TCF4: variants seen among roughly 807,000 people sequenced by gnomAD.
TCF4 encodes SL3-3 enhancer factor 2.
Under a neutral mutation model 82.1 loss-of-function variants are expected in TCF4, and 3 were observed. The ratio of observed to expected loss-of-function variants is 0.04; its 90% CI spans 0.02 to 0.09. The LOEUF is 0.09. Among genes scored for constraint, TCF4 ranks in the 10% least tolerant of loss-of-function variants. The pLI is 1.00. For synonymous variants in TCF4, 276 were observed against 309.6 expected (o/e 0.89, Z 1.14); for missense variants, 518 against 852.7 (o/e 0.61, Z 4.89).
At chr18:55,347,282 A>G (rs2081384320) in intron 8 of TCF4, among the ~76,000 whole-genome samples, 1 of 152,118 alleles carries the variant, frequency 6.6e-6, no homozygotes, top group African/African-American at 2.4e-5. Flanking sequence ...AATGTACTGC[A>G]GTAATAAGCA....
chr18:55,635,036 G>A (rs929757818), intron 1 of TCF4, among the ~76,000 whole-genome samples: 2 of 152,312 alleles, frequency 1.3e-5, no homozygotes, highest in Admixed American at 6.5e-5. Context: ...AGAGTGGTTA[G>A]GGCTGGAGAT....
At chr18:55,335,827 G>A (rs1032777138) in intron 8 of TCF4, among the ~76,000 whole-genome samples, 1 of 152,038 alleles carries the variant, frequency 6.6e-6, no homozygotes, top group Non-Finnish European at 1.5e-5. Flanking sequence ...GCTTGGAGCA[G>A]AACTACATAC....
At chr18:55,405,693 A>G (rs924019111) in intron 5 of TCF4, among the ~76,000 whole-genome samples, 22 of 152,048 alleles carry the variant, frequency 1.4e-4, no homozygotes, top group African/African-American at 4.6e-4. Flanking sequence ...AAAAGGAGAG[A>G]GAGAATAAGT....
intron 8 of TCF4, among the ~76,000 whole-genome samples, chr18:55,341,892 C>T (rs1487650622): frequency 6.6e-6 from 1 of 152,114 alleles, no homozygotes; most frequent in Non-Finnish European, 1.5e-5. Context: ...TAAGGTTATT[C>T]CTACAAATTG....
chr18:55,324,556 G>C (rs1038034920), intron 8 of TCF4, among the ~76,000 whole-genome samples: 4 of 152,158 alleles, frequency 2.6e-5, no homozygotes, highest in Admixed American at 2.6e-4. Flanking sequence ...ATCTTAAGCA[G>C]CCAATTTTTA....
intron 2 of TCF4, among the ~76,000 whole-genome samples, chr18:55,629,453 A>G (rs546086047): frequency 6.6e-6 from 1 of 152,340 alleles, no homozygotes; most frequent in Non-Finnish European, 1.5e-5. Flanking sequence ...GATCATAAAC[A>G]TAATACCAGG....
At chr18:55,244,823 C>T (rs999153917) in intron 15 of TCF4, among the ~76,000 whole-genome samples, 1 of 152,198 alleles carries the variant, frequency 6.6e-6, no homozygotes, top group Non-Finnish European at 1.5e-5. Context: ...ATAACTTTCA[C>T]ACACTTTCAG....
intron 3 of TCF4, among the ~76,000 whole-genome samples, chr18:55,536,889 C>T (rs2097121060): frequency 1.3e-5 from 2 of 151,742 alleles, no homozygotes; most frequent in African/African-American, 4.8e-5. Context: ...AATCCCAGCA[C>T]TTTGGGAGGC....
chr18:55,245,287 C>T (rs914461177), intron 15 of TCF4, among the ~76,000 whole-genome samples: 2 of 152,146 alleles, frequency 1.3e-5, no homozygotes, highest in African/African-American at 2.4e-5. Context: ...AATAACACAA[C>T]GGCCATGGAA....
chr18:55,322,121 T>C, intron 8 of TCF4: 7 of 1,018,996 alleles, frequency 6.9e-6, no homozygotes, highest in Non-Finnish European at 8.3e-6. Flanking sequence ...TTTTTTTTTT[T>C]TGTTTTGTTT....
At chr18:55,417,938 A>C (rs2094578321) in intron 5 of TCF4, among the ~76,000 whole-genome samples, 1 of 151,332 alleles carries the variant, frequency 6.6e-6, no homozygotes, top group African/African-American at 2.4e-5. Flanking sequence ...AAGTATCCAA[A>C]CTCATCTGCT....
At chr18:55,430,417 G>A (rs2095152589) in intron 5 of TCF4, among the ~76,000 whole-genome samples, 1 of 152,228 alleles carries the variant, frequency 6.6e-6, no homozygotes, top group South Asian at 2.1e-4. Flanking sequence ...CAAACTGGAA[G>A]AGGCAGATTT....
At chr18:55,613,807 A>G (rs895608371) in intron 2 of TCF4, among the ~76,000 whole-genome samples, 2 of 152,198 alleles carry the variant, frequency 1.3e-5, no homozygotes, top group African/African-American at 4.8e-5. Context: ...GGGAATTAAA[A>G]TTTGACATGA....
At chr18:55,495,307 T>TG (rs1386433857) in intron 3 of TCF4, among the ~76,000 whole-genome samples, 2 of 148,198 alleles carry the variant, frequency 1.3e-5, no homozygotes, top group African/African-American at 5.0e-5. Context: ...AGAAGGTATT[T>TG]GGGAAAAAAA....
chr18:55,376,490 G>A (rs1466156343), intron 6 of TCF4, among the ~76,000 whole-genome samples: 2 of 152,170 alleles, frequency 1.3e-5, no homozygotes, highest in Admixed American at 6.5e-5. Flanking sequence ...AGAATCCAGA[G>A]TCTGACCTCC....
At chr18:55,511,310 A>G (rs1283272499) in intron 3 of TCF4, among the ~76,000 whole-genome samples, 1 of 143,640 alleles carries the variant, frequency 7.0e-6, no homozygotes, top group Non-Finnish European at 1.5e-5. Context: ...AGATGTAGGT[A>G]ATAGAGTAAT....
intron 8 of TCF4, among the ~76,000 whole-genome samples, chr18:55,311,692 T>C (rs2072511175): frequency 6.6e-6 from 1 of 152,176 alleles, no homozygotes; most frequent in Non-Finnish European, 1.5e-5. Flanking sequence ...GCCTCTAACT[T>C]TGACACAGGT....
intron 5 of TCF4, among the ~76,000 whole-genome samples, chr18:55,460,418 C>T (rs1194032024): frequency 6.6e-6 from 1 of 152,042 alleles, no homozygotes; most frequent in African/African-American, 2.4e-5. Context: ...GAATGGCATG[C>T]CGGAGATTCA....
chr18:55,342,516 T>C (rs1603236529), intron 8 of TCF4, among the ~76,000 whole-genome samples: 2 of 152,148 alleles, frequency 1.3e-5, no homozygotes, highest in African/African-American at 2.4e-5. Context: ...GCTTTTCTAC[T>C]TGACCAAATC....
Sources: allele counts gnomAD v4.1 joint callset (sites outside exome capture counted in the v4.1 genomes callset), GRCh38; gene constraint gnomAD v4.1.1; transcripts MANE v1.5; gene names NCBI Gene and HGNC (gene_info 2026-07-23, HGNC 2026-07-21).